The following GMPR variants were observed in gnomAD, a reference collection of about 807,000 sequenced individuals.
GMPR encodes the protein GMP reductase 1.
Under a neutral mutation model 38.4 loss-of-function variants are expected in GMPR, and 31 were observed. The ratio of observed to expected loss-of-function variants is 0.81; its 90% CI spans 0.61 to 1.09. GMPR has a LOEUF of 1.09. GMPR is among the 50% of genes least tolerant of loss of function. The pLI is 0.00. For missense variants in GMPR, 468 were observed against 453.7 expected, an observed-to-expected ratio of 1.03 and a Z score of -0.29; for synonymous variants, 162 against 173.3, an observed-to-expected ratio of 0.93 and a Z score of 0.51.
intron 4 of GMPR, among the ~76,000 whole-genome samples, chr6:16,255,194 G>A (rs1417071102): frequency 6.6e-6 from 1 of 151,892 alleles, no homozygotes; most frequent in Non-Finnish European, 1.5e-5. Flanking sequence ...TGTATTTTTA[G>A]TAGAGACGGG....
At chr6:16,266,256 AC>A (rs1285589892) in intron 4 of GMPR, among the ~76,000 whole-genome samples, 1 of 151,698 alleles carries the variant, frequency 6.6e-6, no homozygotes. Flanking sequence ...GAGCTGTAAC[AC>A]TCACTGCGAA....
intron 8 of GMPR, among the ~76,000 whole-genome samples, chr6:16,292,073 T>C (rs1759849400): frequency 1.3e-5 from 2 of 152,244 alleles, no homozygotes; most frequent in South Asian, 2.1e-4. Flanking sequence ...GTGAATCGGC[T>C]GGTTGCCTTT....
chr6:16,251,545 G>C (rs769100450), intron 3 of GMPR, among the ~76,000 whole-genome samples: 2 of 152,192 alleles, frequency 1.3e-5, no homozygotes, highest in Non-Finnish European at 2.9e-5. Flanking sequence ...ACTCCAGCCT[G>C]GGCAACGAGA....
At chr6:16,248,040 G>A (rs2113670051) in intron 2 of GMPR, among the ~76,000 whole-genome samples, 1 of 151,848 alleles carries the variant, frequency 6.6e-6, no homozygotes, top group South Asian at 2.1e-4. Context: ...GACCAGACTG[G>A]GCAACATGGC....
chr6:16,247,886 C>G (rs1030012405), intron 2 of GMPR, among the ~76,000 whole-genome samples: 2 of 152,046 alleles, frequency 1.3e-5, no homozygotes, highest in Non-Finnish European at 2.9e-5. Context: ...AGCTCAAAGT[C>G]TCTTTTAGCC....
intron 1 of GMPR, 126 bp downstream of exon 1, chr6:16,238,906 G>T: frequency 2.7e-6 from 1 of 374,886 alleles, no homozygotes; most frequent in Non-Finnish European, 4.9e-6. Flanking sequence ...GGGGCGCTGC[G>T]CCCCCGTTCC....
At chr6:16,292,325 A>T (rs1003137416) in intron 8 of GMPR, among the ~76,000 whole-genome samples, 1 of 151,908 alleles carries the variant, frequency 6.6e-6, no homozygotes, top group African/African-American at 2.4e-5. Context: ...GGTGTATTCT[A>T]CCAGAGTTCT....
rs556520292 is a variant in GMPR at position 16,282,920 on chromosome 6, T to A, written c.655-2873T>A. 1.7e-3 allele frequency among the ~76,000 whole-genome samples: 253 copies of A among 152,214 alleles called. 2 individuals carry two copies. Among genetic ancestry groups the A allele is most frequent in the South Asian group, 6.6e-3 (32 of 4,814 alleles). The stretch of plus-strand genomic sequence containing the variant: ...GTCTCCCAGGTTTAAGTGATAGTCC[T>A]GCCTCAGCCTCCCGAGTAGCTGGGA... On this transcript the variant is annotated intron_variant, in intron 6 of 8. Transcript: ENST00000259727.
intron 6 of GMPR, among the ~76,000 whole-genome samples, chr6:16,284,542 C>G (rs1759638211): frequency 6.6e-6 from 1 of 152,226 alleles, no homozygotes; most frequent in South Asian, 2.1e-4. Flanking sequence ...GGCTGTGTCA[C>G]TGTCACGTGA....
At chr6:16,270,855 C>T (rs1759370835) in intron 4 of GMPR, among the ~76,000 whole-genome samples, 1 of 152,170 alleles carries the variant, frequency 6.6e-6, no homozygotes, top group Admixed American at 6.5e-5. Context: ...GCACAAGCTT[C>T]TGGGTTACTA....
chr6:16,288,806 T>C (rs1474263700), intron 7 of GMPR, among the ~76,000 whole-genome samples: 1 of 152,130 alleles, frequency 6.6e-6, no homozygotes, highest in Non-Finnish European at 1.5e-5. Context: ...GCTCAAGGTT[T>C]GTAAACACAC....
At chr6:16,291,573 C>G (rs966414422) in intron 8 of GMPR, among the ~76,000 whole-genome samples, 1 of 152,024 alleles carries the variant, frequency 6.6e-6, no homozygotes, top group African/African-American at 2.4e-5. Context: ...TGGGTCTTTT[C>G]CTGATTCCCT....
intron 6 of GMPR, among the ~76,000 whole-genome samples, chr6:16,281,852 G>A (rs537421987): frequency 6.6e-6 from 1 of 152,150 alleles, no homozygotes; most frequent in East Asian, 1.9e-4. Flanking sequence ...TCCTAGATGG[G>A]GTTAGGAGTT....
At chr6:16,266,927 A>G (rs1228712280) in intron 4 of GMPR, among the ~76,000 whole-genome samples, 2 of 151,708 alleles carry the variant, frequency 1.3e-5, no homozygotes, top group Non-Finnish European at 2.9e-5. Context: ...TGTAACACTC[A>G]CTGCAAAGGT....
In GMPR at chr6:16,263,580, A is replaced by G. The variant is rs551461788; in HGVS notation, c.465+8845A>G. On this transcript the variant is annotated intron_variant, in intron 4 of 8. Transcript: ENST00000259727. ...GGGAAAGGGGTTGGGGCGTGGAAAT[A>G]AGGGGTTGGGATGCAGAGATAAGAG... Among the ~76,000 whole-genome samples, 273 of 151,442 alleles carry G rather than the reference A, an allele frequency of 1.8e-3. 5 individuals are homozygous for G. The highest frequency in any genetic ancestry group is 6.2e-3 in the African/African-American group (256 of 41,220).
At chr6:16,267,522 C>T (rs1759281530) in intron 4 of GMPR, among the ~76,000 whole-genome samples, 1 of 152,160 alleles carries the variant, frequency 6.6e-6, no homozygotes, top group Non-Finnish European at 1.5e-5. Flanking sequence ...CGGCTTCACT[C>T]CTGAAGTCAG....
chr6:16,285,829 G>A lies in GMPR; in HGVS notation c.691G>A (p.Ala231Thr), dbSNP rs775054854. The A allele has an allele frequency of 1.9e-6, 3 of 1,611,986 alleles. No individual in the cohort carries two copies. In the East Asian group the frequency reaches 6.7e-5, roughly 36 times the overall value. ...GCTCPGDVAK[A>T]FGAGADFVML... ...TACGTGTCCAGGGGATGTCGCCAAAGCCTTTGGTAAGGCCGGGCCCTGGTG... is the reference window on the plus strand; with the variant it reads ...TACGTGTCCAGGGGATGTCGCCAAAACCTTTGGTAAGGCCGGGCCCTGGTG... The change falls in exon 7 of 9, where the codon GCC becomes ACC. Residue 231 changes from alanine to threonine, a missense_variant. Physicochemically the swap from Ala to Thr is moderately conservative, Grantham distance 58 (BLOSUM62 0). Transcript: ENST00000259727.
intron 2 of GMPR, among the ~76,000 whole-genome samples, chr6:16,248,161 C>T (rs1006841843): frequency 1.6e-5 from 2 of 128,772 alleles, no homozygotes; most frequent in African/African-American, 6.0e-5. Context: ...AGCTGGGAGG[C>T]GGAGGTTGCA....
At chr6:16,288,244 G>A (rs11968694) in intron 7 of GMPR, among the ~76,000 whole-genome samples, 3,165 of 152,348 alleles carry the variant, frequency 0.021, 84 homozygotes, top group African/African-American at 0.065. Context: ...AGCTTGAAGG[G>A]AGGTGTGGAG....
Sources: allele counts gnomAD v4.1 joint callset (sites outside exome capture counted in the v4.1 genomes callset), GRCh38; gene constraint gnomAD v4.1.1; transcripts MANE v1.5; gene names NCBI Gene and HGNC (gene_info 2026-07-23, HGNC 2026-07-21).